Variants in CKAP2 observed in about 807,000 individuals in gnomAD.
The protein encoded by CKAP2 is cytoskeleton-associated protein 2.
In CKAP2, 46 loss-of-function variants were observed where a neutral mutation model predicts 58.4. That is an observed-to-expected ratio of 0.79 (90% CI 0.62 to 1.01). The LOEUF is 1.01. Among genes scored for constraint, CKAP2 ranks in the 50% least tolerant of loss-of-function variants. The probability of loss-of-function intolerance (pLI) is 0.00; values close to 1 mark genes in which losing one functional copy is unlikely to be tolerated. For synonymous variants in CKAP2, 293 were observed against 280.9 expected (o/e 1.04, Z -0.43); for missense variants, 809 against 796.4 (o/e 1.02, Z -0.19).
chr13:52,455,856 G>C, intron 1 of CKAP2: 1 of 872,470 alleles, frequency 1.1e-6, no homozygotes, highest in Non-Finnish European at 1.5e-6. Context: ...GCTGGGATGG[G>C]CCCTCCTAAG....
chr13:52,464,274 C>G (rs1458229815), intron 5 of CKAP2, among the ~76,000 whole-genome samples: 1 of 152,072 alleles, frequency 6.6e-6, no homozygotes, highest in Non-Finnish European at 1.5e-5. Context: ...TTCATCTGGT[C>G]AGGTGGGGTG....
chr13:52,460,305 A>G (rs1214507394), intron 2 of CKAP2, among the ~76,000 whole-genome samples: 1 of 152,314 alleles, frequency 6.6e-6, no homozygotes, highest in South Asian at 2.1e-4. Flanking sequence ...CCAAGGAGGT[A>G]TTACTTACTA....
At position 52,474,046 on chromosome 13, in the gene CKAP2, A is replaced by C. The variant is rs368021748; in HGVS notation, c.1764A>C (p.Leu588Phe). The part of the protein sequence containing the change: ...TPNTETRTSC[L>F]IKYNVSTTPY... ...ATACAGAAACGAGGACAAGTTGCTT[A>C]ATTAAATATAATGTGTCTACTACGC... Residue 588 changes from leucine to phenylalanine, a missense_variant, in exon 8 of 9, where the codon TTA (leucine) becomes TTC (phenylalanine). Physicochemically the swap from Leu to Phe is conservative, Grantham distance 22. Around this residue, in one of 3 missense-constraint regions of CKAP2, gnomAD observed 283 missense variants for 287.6 expected, o/e 0.98. Transcript: ENST00000258607. The C allele has an allele frequency of 3.5e-5, 57 of 1,613,942 alleles. 1 individual carries two copies. In the South Asian group the frequency reaches 6.0e-4, roughly 17 times the overall value.
At chr13:52,456,862 T>C (rs1390974120) in intron 2 of CKAP2, among the ~76,000 whole-genome samples, 1 of 152,196 alleles carries the variant, frequency 6.6e-6, no homozygotes, top group African/African-American at 2.4e-5. Context: ...GTGGCTACTT[T>C]ATTGGATGGT....
intron 2 of CKAP2, among the ~76,000 whole-genome samples, chr13:52,460,202 G>A (rs1958548004): frequency 6.6e-6 from 1 of 151,982 alleles, no homozygotes; most frequent in African/African-American, 2.4e-5. Context: ...AGCTGTGAAT[G>A]GCATATGGTA....
chr13:52,473,606 A>C (rs1182727435), intron 7 of CKAP2: 1 of 421,934 alleles, frequency 2.4e-6, no homozygotes, highest in East Asian at 3.6e-5. Context: ...TGTGGGTTTT[A>C]ATAATCCTTT....
intron 2 of CKAP2, among the ~76,000 whole-genome samples, chr13:52,460,122 G>C (rs973685133): frequency 2.0e-5 from 3 of 152,128 alleles, no homozygotes; most frequent in African/African-American, 7.2e-5. Flanking sequence ...GCCTCCCAAA[G>C]TGCTGCTATT....
chr13:52,464,723 C>A (rs563148139), intron 5 of CKAP2, among the ~76,000 whole-genome samples: 108 of 152,078 alleles, frequency 7.1e-4, no homozygotes, highest in African/African-American at 2.5e-3. Context: ...CCTGACTGCT[C>A]TTTAATCTTG....
In CKAP2 at chr13:52,460,795, TAGTA is replaced by T. The variant is rs962508984; in HGVS notation, c.156-100_156-97del. On this transcript the variant is annotated intron_variant, in intron 2 of 8. Coordinates refer to ENST00000258607, the MANE Select transcript of CKAP2 (RefSeq NM_018204.5). ...CTCAGGTCTTTTTTAAATTTAAAAT[TAGTA>T]AGTCAGTTAATTGTTAACATTGCCC... The T allele has an allele frequency of 6.4e-5, 59 of 921,844 alleles. No homozygotes were observed. The African/African-American group carries it at 7.0e-4, about 11-fold the overall frequency. 57.1% of individuals were successfully genotyped at this position (921,844 alleles called of 1,614,324 possible).
rs72440971 is a variant in CKAP2, at chr13:52,455,635, CGCGGTG to C, written c.70+44_70+49del. 8,436 of 1,562,876 alleles carry C rather than the reference CGCGGTG, an allele frequency of 5.4e-3. 109 individuals are homozygous for C. The highest frequency in any genetic ancestry group is 0.039 in the African/African-American group (2,724 of 70,216). On this transcript the variant is annotated intron_variant, in intron 1 of 8. Coordinates refer to ENST00000258607, the MANE Select transcript of CKAP2 (RefSeq NM_018204.5). ...GCAGTCCGCATTCAAAGGTGAAGGCCGCGGTGGCGGTGGCGGTGGCGGTGGCGGTGG... is the reference window on the plus strand; with the variant it reads ...GCAGTCCGCATTCAAAGGTGAAGGCCGCGGTGGCGGTGGCGGTGGCGGTGG...
chr13:52,470,741 A>G (rs58655347), intron 7 of CKAP2, among the ~76,000 whole-genome samples: 8,509 of 152,234 alleles, frequency 0.056, 258 homozygotes, highest in South Asian at 0.086. Context: ...GGGAACATAC[A>G]GAACATCTAT....
chr13:52,468,412 CTTTTA>C (rs771708933), intron 7 of CKAP2, 65 bp downstream of exon 7: 31 of 1,023,512 alleles, frequency 3.0e-5, no homozygotes, highest in Middle Eastern at 2.4e-4. Flanking sequence ...TGTTTTTTAA[CTTTTA>C]TTTTAAGATC....
At position 52,475,175 on chromosome 13, in the gene CKAP2, T is replaced by C. The variant is rs1249815515; in HGVS notation, c.*34T>C. On this transcript the variant is annotated 3_prime_UTR_variant, in exon 9 of 9. Transcript: ENST00000258607. ...AAGCTCTGTTAGGGAATGGGGTTTTTATTATTTGTGGGGTGTTTTGTTTTG... is the reference window on the plus strand; with the variant it reads ...AAGCTCTGTTAGGGAATGGGGTTTTCATTATTTGTGGGGTGTTTTGTTTTG... The C allele has an allele frequency of 2.0e-5, 32 of 1,599,394 alleles. No homozygotes were observed. Among genetic ancestry groups the C allele is most frequent in the Non-Finnish European group, 1.7e-5 (20 of 1,172,418 alleles).
chr13:52,465,717 A>G (rs767135503), intron 6 of CKAP2: 1 of 577,332 alleles, frequency 1.7e-6, no homozygotes, highest in South Asian at 1.6e-5. Context: ...AACTTTCTGC[A>G]TGAAATGTTT....
intron 2 of CKAP2, 75 bp from the exon 3 acceptor site, chr13:52,460,824 C>T (rs1594135087): frequency 2.4e-6 from 3 of 1,245,882 alleles, no homozygotes; most frequent in East Asian, 2.5e-5. Flanking sequence ...TAACATTGCC[C>T]TCTTCTTCCT....
intron 6 of CKAP2, 71 bp downstream of exon 6, chr13:52,465,536 C>A: frequency 1.5e-6 from 2 of 1,354,780 alleles, no homozygotes; most frequent in Non-Finnish European, 2.1e-6. Flanking sequence ...TGAAACACAT[C>A]ACAACATAAC....
chr13:52,458,748 G>A (rs982659659), intron 2 of CKAP2, among the ~76,000 whole-genome samples: 9 of 151,816 alleles, frequency 5.9e-5, no homozygotes, highest in East Asian at 5.8e-4. Context: ...CTGTAATTCC[G>A]GGGAGGGCCG....
Position 52,473,850 on chromosome 13 carries a change from G to T in CKAP2, c.1568G>T (p.Cys523Phe), listed in dbSNP as rs1385816719. ...ATAGGAGAAAATATGGAGAAGTCTTGTGCAAGCAAGGAAGAAGTCAAAGAA... is the reference window on the plus strand; with the variant it reads ...ATAGGAGAAAATATGGAGAAGTCTTTTGCAAGCAAGGAAGAAGTCAAAGAA... ...ANLGENMEKS[C>F]ASKEEVKEVS... The change falls in exon 8 of 9, where the codon TGT becomes TTT. Residue 523 changes from cysteine to phenylalanine, a missense_variant. Physicochemically the swap from Cys to Phe is radical, Grantham distance 205. Coordinates refer to ENST00000258607, the MANE Select transcript of CKAP2 (RefSeq NM_018204.5). The T allele has an allele frequency of 6.2e-7, 1 of 1,610,168 alleles. No individual in the cohort carries two copies. Among genetic ancestry groups the T allele is most frequent in the Admixed American group, 1.7e-5 (1 of 59,328 alleles).
Position 52,461,346 on chromosome 13 carries a change from G to C in CKAP2, c.520G>C (p.Val174Leu), listed in dbSNP as rs1424280120. ...AGATGCTAACATGCCCAAGAAACCT[G>C]TGCTTGGATCTTATCGTGGCCAGAT... ...KQDANMPKKP[V>L]LGSYRGQIVQ... The change falls in exon 4 of 9, where the codon GTG becomes CTG. Residue 174 changes from valine (V) to leucine (L), a missense_variant. Physicochemically the swap from Val to Leu is conservative, Grantham distance 32 (BLOSUM62 1). Transcript: ENST00000258607. The C allele has an allele frequency of 4.3e-6, 7 of 1,614,164 alleles. 1 individual carries two copies. In the South Asian group the frequency reaches 4.4e-5, roughly 10 times the overall value.
Sources: allele counts gnomAD v4.1 joint callset (sites outside exome capture counted in the v4.1 genomes callset), GRCh38; gene constraint gnomAD v4.1.1; regional missense constraint gnomAD v4.1.1; transcripts MANE v1.5; gene names NCBI Gene and HGNC (gene_info 2026-07-23, HGNC 2026-07-21).